The following CFAP299 variants were observed in gnomAD, a reference collection of about 807,000 sequenced individuals.
CFAP299 encodes the protein cilia and flagella associated protein 299.
Under a neutral mutation model 27.0 loss-of-function variants are expected in CFAP299, and 21 were observed. The ratio of observed to expected loss-of-function variants is 0.78; its 90% CI spans 0.55 to 1.12. CFAP299 has a LOEUF of 1.12. Among genes scored for constraint, CFAP299 ranks in the 50% most tolerant of loss-of-function variants. The pLI is 0.00. For missense variants in CFAP299, 310 were observed against 276.6 expected (o/e 1.12, Z -0.86); for synonymous variants, 104 against 98.1 (o/e 1.06, Z -0.36).
At chr4:80,832,170 G>A (rs926013089) in intron 3 of CFAP299, among the ~76,000 whole-genome samples, 1 of 152,126 alleles carries the variant, frequency 6.6e-6, no homozygotes, top group Non-Finnish European at 1.5e-5. Flanking sequence ...CCTCTCAAGT[G>A]TCTATTAGTT....
At chr4:80,861,965 T>TAAAGCTCA (rs771362612) in intron 3 of CFAP299, among the ~76,000 whole-genome samples, 10 of 152,178 alleles carry the variant, frequency 6.6e-5, no homozygotes, top group Non-Finnish European at 1.2e-4. Flanking sequence ...TCCAAGTACT[T>TAAAGCTCA]AAAGCTCAAT....
intron 2 of CFAP299, among the ~76,000 whole-genome samples, chr4:80,527,104 C>T (rs940709674): frequency 6.6e-6 from 1 of 152,208 alleles, no homozygotes; most frequent in East Asian, 1.9e-4. Flanking sequence ...ATGCCTCCTT[C>T]GTGCTAAGCA....
chr4:80,692,994 G>A (rs568846974), intron 3 of CFAP299, among the ~76,000 whole-genome samples: 195 of 152,384 alleles, frequency 1.3e-3, no homozygotes, highest in African/African-American at 4.4e-3. Flanking sequence ...AATCCACAAT[G>A]AGATACCATC....
chr4:80,585,838 A>G (rs1404394490), intron 3 of CFAP299, among the ~76,000 whole-genome samples: 2 of 152,214 alleles, frequency 1.3e-5, no homozygotes, highest in South Asian at 2.1e-4. Flanking sequence ...TGGGATAAAT[A>G]AATGACAGAA....
At chr4:80,414,056 G>A (rs1484948353) in intron 2 of CFAP299, among the ~76,000 whole-genome samples, 1 of 141,082 alleles carries the variant, frequency 7.1e-6, no homozygotes, top group Non-Finnish European at 1.5e-5. Context: ...AGAAACAAAT[G>A]GGTATTTCTT....
At chr4:80,804,056 A>ATT (rs1191407959) in intron 3 of CFAP299, among the ~76,000 whole-genome samples, 2 of 152,114 alleles carry the variant, frequency 1.3e-5, no homozygotes, top group Non-Finnish European at 2.9e-5. Context: ...TTGTAATCCC[A>ATT]TTCAAGAAGG....
intron 3 of CFAP299, among the ~76,000 whole-genome samples, chr4:80,856,328 G>A (rs76757499): frequency 0.05 from 6,317 of 127,410 alleles, 222 homozygotes; most frequent in Middle Eastern, 0.13. Flanking sequence ...AGTAGGTTGC[G>A]AAAATTTTCT....
intron 3 of CFAP299, among the ~76,000 whole-genome samples, chr4:80,773,273 A>C (rs1011651219): frequency 2.6e-5 from 4 of 152,184 alleles, no homozygotes; most frequent in Non-Finnish European, 5.9e-5. Flanking sequence ...GAAACAATTC[A>C]GAATAGTATA....
At chr4:80,811,885 G>T (rs1320099762) in intron 3 of CFAP299, among the ~76,000 whole-genome samples, 1 of 151,930 alleles carries the variant, frequency 6.6e-6, no homozygotes, top group African/African-American at 2.4e-5. Flanking sequence ...AACTAAACAA[G>T]TCTGGAATAA....
At chr4:80,324,094 C>T in the CFAP299 span, among the ~76,000 whole-genome samples, 2 of 152,046 alleles carry the variant, frequency 1.3e-5, no homozygotes, top group Non-Finnish European at 2.9e-5. Flanking sequence ...GGTTTTAAGC[C>T]CCACATGCAT....
At chr4:80,586,083 C>T (rs1003496372) in intron 3 of CFAP299, among the ~76,000 whole-genome samples, 1 of 152,104 alleles carries the variant, frequency 6.6e-6, no homozygotes, top group African/African-American at 2.4e-5. Flanking sequence ...GTTCCAGACT[C>T]ACTGCCTACC....
intron 2 of CFAP299, among the ~76,000 whole-genome samples, chr4:80,472,536 A>C (rs748434215): frequency 3.3e-5 from 5 of 152,136 alleles, no homozygotes; most frequent in Admixed American, 2.6e-4. Flanking sequence ...CTGGGTCTCT[A>C]TTGACTTCAA....
intron 2 of CFAP299, among the ~76,000 whole-genome samples, chr4:80,492,742 C>G (rs1400364983): frequency 6.6e-6 from 1 of 152,154 alleles, no homozygotes; most frequent in Admixed American, 6.5e-5. Context: ...CTTACAGTTC[C>G]TAGGAGGAAG....
chr4:80,340,651 T>C (rs193238962), intron 1 of CFAP299, among the ~76,000 whole-genome samples: 1 of 152,292 alleles, frequency 6.6e-6, no homozygotes, highest in East Asian at 1.9e-4. Flanking sequence ...TTTTTGCAGA[T>C]TGGGCAACTC....
At chr4:80,881,311 G>C (rs891704857) in intron 4 of CFAP299, among the ~76,000 whole-genome samples, 2 of 152,144 alleles carry the variant, frequency 1.3e-5, no homozygotes, top group Non-Finnish European at 2.9e-5. Flanking sequence ...AGAAGTGAAG[G>C]GGCCTTATCT....
intron 2 of CFAP299, among the ~76,000 whole-genome samples, chr4:80,545,553 A>AT (rs1734186358): frequency 6.6e-6 from 1 of 152,180 alleles, no homozygotes; most frequent in Non-Finnish European, 1.5e-5. Context: ...CCAGAATGAA[A>AT]TTAAAATCCT....
chr4:80,940,533 C>A (rs1402758768), intron 4 of CFAP299, among the ~76,000 whole-genome samples: 2 of 152,156 alleles, frequency 1.3e-5, no homozygotes, highest in African/African-American at 2.4e-5. Context: ...TAGAATCTCT[C>A]CACTGGACTT....
intron 3 of CFAP299, among the ~76,000 whole-genome samples, chr4:80,780,924 T>C (rs1726840268): frequency 6.6e-6 from 1 of 151,892 alleles, no homozygotes; most frequent in Non-Finnish European, 1.5e-5. Context: ...CATGAATGTT[T>C]ATGCTTATGC....
intron 2 of CFAP299, among the ~76,000 whole-genome samples, chr4:80,377,973 A>G (rs528691123): frequency 6.6e-6 from 1 of 152,160 alleles, no homozygotes; most frequent in Non-Finnish European, 1.5e-5. Context: ...AACCCAACAG[A>G]TCTGATGAGA....
Sources: gnomAD v4.1 joint callset for allele counts (sites outside exome capture counted in the v4.1 genomes callset) on GRCh38, gnomAD v4.1.1 for gene constraint, MANE v1.5 for transcripts, NCBI Gene and HGNC (gene_info 2026-07-23, HGNC 2026-07-21) for gene names.